TOP2B: variants seen among roughly 807,000 people sequenced by gnomAD.
TOP2B encodes DNA topoisomerase II beta.
In TOP2B, 51 loss-of-function variants were observed where a neutral mutation model predicts 193.5. The ratio of observed to expected loss-of-function variants is 0.26; its 90% CI spans 0.21 to 0.33. The LOEUF (loss-of-function observed/expected upper bound fraction) is 0.33, where lower values mean the gene tolerates loss of function less well. TOP2B is among the 10% of genes least tolerant of loss of function. TOP2B has a pLI of 1.00. For missense variants in TOP2B, 1,378 were observed against 1,909.3 expected (o/e 0.72, Z 5.19); for synonymous variants, 634 against 635.7 (o/e 1.00, Z 0.04).
chr3:25,630,713 T>A, intron 11 of TOP2B, 88 bp downstream of exon 11: 1 of 1,224,336 alleles, frequency 8.2e-7, no homozygotes, highest in Non-Finnish European at 1.1e-6. Flanking sequence ...AAAATCATAG[T>A]CTAACTATAT....
intron 1 of TOP2B, among the ~76,000 whole-genome samples, chr3:25,656,164 A>G (rs1575588914): frequency 6.6e-6 from 1 of 152,214 alleles, no homozygotes; most frequent in Non-Finnish European, 1.5e-5. Context: ...TCTAAATATC[A>G]TATGACAACT....
chr3:25,642,819 TACAA>T (rs1306055377), intron 3 of TOP2B, among the ~76,000 whole-genome samples: 1 of 152,136 alleles, frequency 6.6e-6, no homozygotes, highest in Admixed American at 6.5e-5. Flanking sequence ...CATTTTCAGT[TACAA>T]ACAAAGAAAA....
intron 35 of TOP2B, 113 bp from the exon 36 acceptor site, chr3:25,598,590 C>T: frequency 1.3e-6 from 1 of 787,938 alleles, no homozygotes; most frequent in Admixed American, 3.8e-5. Flanking sequence ...AATAATGGTG[C>T]TTTTAAAATT....
At position 25,632,746 on chromosome 3, in the gene TOP2B, T is replaced by G; in HGVS notation, c.1075A>C (p.Ile359Leu). Residue 359 changes from isoleucine (I) to leucine (L), a missense_variant, in exon 9 of 36, where the codon ATT becomes CTT. This residue lies in a region of TOP2B where 222 missense variants were observed against 306.6 expected (regional missense o/e 0.72). Transcript: ENST00000264331. Reference sequence around the variant, plus strand: ...TTGTTCTTTTTCTTAACTACTTCAATCAGTTTACCAACAACTTGATCTACC... The same window carrying G: ...TTGTTCTTTTTCTTAACTACTTCAAGCAGTTTACCAACAACTTGATCTACC... ...YVVDQVVGKL[I>L]EVVKKKNKAG... 6.2e-7 allele frequency: 1 copy of G among 1,613,276 alleles called. No individual in the cohort carries two copies. Among genetic ancestry groups the G allele is most frequent in the Non-Finnish European group, 8.5e-7 (1 of 1,179,440 alleles).
intron 22 of TOP2B, 40 bp downstream of exon 22, chr3:25,620,642 C>CACTG (rs776812416): frequency 1.3e-6 from 2 of 1,587,598 alleles, no homozygotes; most frequent in East Asian, 4.5e-5. Flanking sequence ...TTGCTTAATA[C>CACTG]ACTGCCCTTC....
intron 4 of TOP2B, among the ~76,000 whole-genome samples, chr3:25,639,497 G>A (rs184058385): frequency 2.6e-5 from 4 of 152,184 alleles, no homozygotes; most frequent in East Asian, 1.9e-4. Flanking sequence ...TAGGAGACAC[G>A]GGGTTTCACC....
At chr3:25,625,804 G>A (rs1702786091) in intron 18 of TOP2B, among the ~76,000 whole-genome samples, 1 of 152,136 alleles carries the variant, frequency 6.6e-6, no homozygotes, top group African/African-American at 2.4e-5. Context: ...AAAACATGAG[G>A]ATGATAAAAT....
chr3:25,626,491 G>T, intron 18 of TOP2B, 69 bp downstream of exon 18: 1 of 839,536 alleles, frequency 1.2e-6, no homozygotes, highest in Non-Finnish European at 1.8e-6. Context: ...TCATAAGGAT[G>T]GCTTAAAGTA....
At position 25,626,986 on chromosome 3, in the gene TOP2B, T is replaced by A. The variant is rs146362608; in HGVS notation, c.2017-122A>T. 1,084 of 731,248 alleles carry A rather than the reference T, an allele frequency of 1.5e-3. 9 individuals carry two copies. The African/African-American group carries it at 0.017, about 12-fold the overall frequency. 45.3% of individuals were successfully genotyped at this position (731,248 alleles called of 1,614,324 possible). On this transcript the variant is annotated intron_variant, in intron 16 of 35. Transcript: ENST00000264331. Reference sequence around the variant, plus strand: ...TCTGGAAAATTAGGTTATTTTACAATATTTTAATCAAAAACACATTTAAAC... The same window carrying A: ...TCTGGAAAATTAGGTTATTTTACAAAATTTTAATCAAAAACACATTTAAAC...
chr3:25,651,996 T>C (rs1703605232), intron 1 of TOP2B, among the ~76,000 whole-genome samples: 1 of 151,542 alleles, frequency 6.6e-6, no homozygotes, highest in Non-Finnish European at 1.5e-5. Flanking sequence ...AGGCTACAAA[T>C]AAAAGGATGG....
chr3:25,626,153 A>G (rs1178823432), intron 18 of TOP2B, among the ~76,000 whole-genome samples: 8 of 152,124 alleles, frequency 5.3e-5, no homozygotes, highest in African/African-American at 1.9e-4. Context: ...TAGTTCCTAA[A>G]TTTTTTTCAA....
chr3:25,655,261 G>T (rs950875698), intron 1 of TOP2B, among the ~76,000 whole-genome samples: 1 of 152,114 alleles, frequency 6.6e-6, no homozygotes, highest in Non-Finnish European at 1.5e-5. Flanking sequence ...AATAAGATAT[G>T]CAAATGGTCA....
chr3:25,613,321 T>C (rs1271701187), intron 27 of TOP2B, among the ~76,000 whole-genome samples: 1 of 152,172 alleles, frequency 6.6e-6, no homozygotes, highest in African/African-American at 2.4e-5. Context: ...GACATTTCTT[T>C]AGAGATTTTT....
rs1702920744 is a variant in TOP2B at position 25,630,294 on chromosome 3, A to G, written c.1563+18T>C. 6.5e-7 allele frequency: 1 copy of G among 1,548,790 alleles called. No individual in the cohort carries two copies. The highest frequency in any genetic ancestry group is 1.4e-5 in the African/African-American group (1 of 72,910). ...TGTGCATGTGTGTATACACATATAT[A>G]TACACACACATACATACCTGTTTAT... On this transcript the variant is annotated intron_variant, in intron 12 of 35. Coordinates refer to ENST00000264331, the MANE Select transcript of TOP2B (RefSeq NM_001330700.2).
intron 4 of TOP2B, among the ~76,000 whole-genome samples, chr3:25,641,532 T>A (rs1379443339): frequency 2.3e-5 from 3 of 130,324 alleles, no homozygotes; most frequent in South Asian, 4.7e-4. Flanking sequence ...TAAAAAAAAA[T>A]GGAGAAAAAA....
rs774212285 is a variant in TOP2B at position 25,627,196 on chromosome 3, G to C, written c.2007C>G (p.Ala669=). 4.4e-6 allele frequency: 7 copies of C among 1,598,146 alleles called. No homozygotes were observed. The highest frequency in any genetic ancestry group is 6.0e-6 in the Non-Finnish European group (7 of 1,173,882). ...AAATTAACTTAATTACCAAGGTAAT[G>C]GCAGCATCATCTTCAGGACCAGCAT... ...FRYAGPEDDA[A]ITLAFSKKKI... Residue 669 remains alanine, a synonymous_variant, in exon 16 of 36, where the codon GCC becomes GCG. Transcript: ENST00000264331.
At chr3:25,612,786 A>C in intron 27 of TOP2B, 77 bp from the exon 28 acceptor site, 1 of 1,074,706 alleles carries the variant, frequency 9.3e-7, no homozygotes, top group Admixed American at 2.1e-5. Context: ...AAAATACTGA[A>C]ACAAATGTTA....
chr3:25,645,584 T>A, intron 1 of TOP2B, 114 bp from the exon 2 acceptor site: 1 of 773,028 alleles, frequency 1.3e-6, no homozygotes, highest in Non-Finnish European at 1.9e-6. Flanking sequence ...CAGACTGATT[T>A]TTTAAATCTA....
intron 8 of TOP2B, among the ~76,000 whole-genome samples, chr3:25,633,132 T>C (rs996492323): frequency 7.9e-5 from 12 of 152,174 alleles, no homozygotes; most frequent in African/African-American, 2.4e-4. Flanking sequence ...AGCACAAGTA[T>C]TTAGGGTTGG....
Sources: allele counts gnomAD v4.1 joint callset (sites outside exome capture counted in the v4.1 genomes callset), GRCh38; gene constraint gnomAD v4.1.1; regional missense constraint gnomAD v4.1.1; transcripts MANE v1.5; gene names NCBI Gene and HGNC (gene_info 2026-07-23, HGNC 2026-07-21).